Variants in VAT1L observed in about 807,000 individuals in gnomAD.
VAT1L encodes the protein vesicle amine transport 1 like.
In VAT1L, 34 loss-of-function variants were observed where a neutral mutation model predicts 44.1. The observed-to-expected ratio is 0.77, with a 90% confidence interval of 0.59 to 1.03. The LOEUF (loss-of-function observed/expected upper bound fraction) is 1.03. Among genes scored for constraint, VAT1L ranks in the 50% least tolerant of loss-of-function variants. The pLI, the probability that VAT1L is intolerant of heterozygous loss-of-function variation, is 0.00. For synonymous variants in VAT1L, 253 were observed against 202.2 expected, an observed-to-expected ratio of 1.25 and a Z score of -2.13; for missense variants, 615 against 538.8, an observed-to-expected ratio of 1.14 and a Z score of -1.40.
intron 7 of VAT1L, among the ~76,000 whole-genome samples, chr16:77,900,034 A>G (rs192199740): frequency 3.8e-4 from 58 of 152,308 alleles, no homozygotes; most frequent in Admixed American, 1.3e-3. Flanking sequence ...AGAGGTGACA[A>G]TTCAAAGAGG....
intron 1 of VAT1L, among the ~76,000 whole-genome samples, chr16:77,813,097 C>T (rs1314539910): frequency 2.0e-5 from 3 of 151,998 alleles, no homozygotes; most frequent in African/African-American, 7.2e-5. Context: ...AATCAGATTA[C>T]CTTAGAGAAT....
chr16:77,823,217 C>T (rs185588809), intron 2 of VAT1L, among the ~76,000 whole-genome samples: 1 of 151,940 alleles, frequency 6.6e-6, no homozygotes, highest in African/African-American at 2.4e-5. Context: ...CCCCACCCAC[C>T]ATTCCCACAC....
chr16:77,862,922 C>T lies in VAT1L; in HGVS notation c.722+32C>T, dbSNP rs372143228. ...TGTTTGCTTTTGAAAAAGCACCAGG[C>T]TGGCCCTTGCTCTGCTCTCAAAGAG... On this transcript the variant is annotated intron_variant, in intron 4 of 8. Transcript: ENST00000302536. 89 of 1,610,082 alleles carry T rather than the reference C, an allele frequency of 5.5e-5. No homozygotes were observed. The African/African-American group carries it at 1.1e-3, about 20-fold the overall frequency.
intron 7 of VAT1L, among the ~76,000 whole-genome samples, chr16:77,891,794 C>A (rs560027963): frequency 2.0e-5 from 3 of 152,138 alleles, no homozygotes; most frequent in African/African-American, 7.2e-5. Flanking sequence ...AAGATTAGGC[C>A]GGGCGCGGTG....
At chr16:77,837,172 G>A (rs529988583) in intron 3 of VAT1L, among the ~76,000 whole-genome samples, 2 of 152,276 alleles carry the variant, frequency 1.3e-5, no homozygotes, top group African/African-American at 4.8e-5. Flanking sequence ...TTCACTCCAC[G>A]GGTTTTGTTG....
chr16:77,863,005 GC>G (rs899910756), intron 4 of VAT1L, 115 bp downstream of exon 4: 29 of 1,328,306 alleles, frequency 2.2e-5, no homozygotes, highest in Non-Finnish European at 2.9e-5. Flanking sequence ...TATATTGGGG[GC>G]TTAGTATTAT....
chr16:77,931,428 C>T (rs1402963711), intron 7 of VAT1L, among the ~76,000 whole-genome samples: 1 of 152,022 alleles, frequency 6.6e-6, no homozygotes, highest in Non-Finnish European at 1.5e-5. Context: ...TCAGATATTC[C>T]AAAATGTGTT....
At chr16:77,924,555 G>A (rs928436961) in intron 7 of VAT1L, among the ~76,000 whole-genome samples, 3 of 152,036 alleles carry the variant, frequency 2.0e-5, no homozygotes, top group African/African-American at 7.2e-5. Context: ...CCGCCTTCCA[G>A]ATTCAAGCGA....
At chr16:77,806,123 A>G (rs772004787) in intron 1 of VAT1L, among the ~76,000 whole-genome samples, 26 of 151,982 alleles carry the variant, frequency 1.7e-4, no homozygotes, top group Middle Eastern at 6.8e-3. Flanking sequence ...TTGGCCTCCC[A>G]AAGTGCTGGG....
At position 77,971,808 on chromosome 16, in the gene VAT1L, T is replaced by C. The variant is rs560773455; in HGVS notation, c.1078-42T>C. The C allele has an allele frequency of 4.5e-5, 71 of 1,589,918 alleles. No homozygotes were observed. In the Middle Eastern group the frequency reaches 5.1e-4, roughly 11 times the overall value. ...AGGCCCCCTTTTTAACTGGGGAACA[T>C]CTCGCCTAACCAGCACCTCTGTTTC... On this transcript the variant is annotated intron_variant, in intron 7 of 8. Coordinates refer to ENST00000302536, the MANE Select transcript of VAT1L (RefSeq NM_020927.3).
At chr16:77,955,744 AG>A (rs1164148869) in intron 7 of VAT1L, among the ~76,000 whole-genome samples, 1 of 147,334 alleles carries the variant, frequency 6.8e-6, no homozygotes, top group African/African-American at 2.5e-5. Flanking sequence ...AAAAAAAAAG[AG>A]AGAGAATGGA....
chr16:77,908,333 G>C (rs1367426574), intron 7 of VAT1L, among the ~76,000 whole-genome samples: 1 of 151,578 alleles, frequency 6.6e-6, no homozygotes, highest in South Asian at 2.1e-4. Context: ...GTGGTGGTGA[G>C]TGCCTGTAAT....
At chr16:77,960,250 T>C (rs2018146586) in intron 7 of VAT1L, among the ~76,000 whole-genome samples, 1 of 152,174 alleles carries the variant, frequency 6.6e-6, no homozygotes, top group African/African-American at 2.4e-5. Flanking sequence ...TTCCCAGGGC[T>C]TAACAGTTAG....
intron 4 of VAT1L, among the ~76,000 whole-genome samples, chr16:77,865,188 T>C (rs967837583): frequency 2.0e-5 from 3 of 151,996 alleles, no homozygotes; most frequent in African/African-American, 7.3e-5. Flanking sequence ...TTAGCCAGGA[T>C]TGTCTTGATC....
intron 2 of VAT1L, among the ~76,000 whole-genome samples, chr16:77,824,334 G>A (rs973793069): frequency 8.5e-5 from 13 of 152,218 alleles, no homozygotes; most frequent in African/African-American, 2.9e-4. Context: ...GGTAGTGGCT[G>A]AAGATGGGTG....
intron 7 of VAT1L, among the ~76,000 whole-genome samples, chr16:77,925,131 A>G (rs1181148508): frequency 1.3e-5 from 2 of 152,132 alleles, no homozygotes; most frequent in Non-Finnish European, 2.9e-5. Context: ...ACCACCAAGC[A>G]ATGGTTACTG....
intron 1 of VAT1L, among the ~76,000 whole-genome samples, chr16:77,808,229 C>A (rs922967270): frequency 2.6e-5 from 4 of 152,096 alleles, no homozygotes; most frequent in African/African-American, 9.7e-5. Context: ...CTATTGTGAG[C>A]TGCACATGTG....
intron 7 of VAT1L, among the ~76,000 whole-genome samples, chr16:77,897,984 G>T (rs2017342121): frequency 6.6e-6 from 1 of 152,206 alleles, no homozygotes; most frequent in Non-Finnish European, 1.5e-5. Context: ...CGTTCTGGAG[G>T]CTGGAAGTGT....
intron 7 of VAT1L, among the ~76,000 whole-genome samples, chr16:77,944,882 C>T (rs2017940100): frequency 6.6e-6 from 1 of 152,084 alleles, no homozygotes. Context: ...CAGATGGAAA[C>T]TTCATGGGGC....
Sources: allele counts gnomAD v4.1 joint callset (sites outside exome capture counted in the v4.1 genomes callset), GRCh38; gene constraint gnomAD v4.1.1; transcripts MANE v1.5; gene names NCBI Gene and HGNC (gene_info 2026-07-23, HGNC 2026-07-21).